The following LARGE1 variants were observed in gnomAD, a reference collection of about 807,000 sequenced individuals.
LARGE1 encodes the protein LARGE xylosyl- and glucuronyltransferase 1, also known as xylosyl- and glucuronyltransferase LARGE1.
In LARGE1, 43 loss-of-function variants were observed where a neutral mutation model predicts 87.6. The ratio of observed to expected loss-of-function variants is 0.49; its 90% CI spans 0.38 to 0.63. The LOEUF (loss-of-function observed/expected upper bound fraction) is 0.63. LARGE1 is among the 30% of genes least tolerant of loss of function. The pLI, the probability that LARGE1 is intolerant of heterozygous loss-of-function variation, is 0.00. For synonymous variants in LARGE1, 434 were observed against 394.6 expected (o/e 1.10, Z -1.18); for missense variants, 802 against 1,000.2 (o/e 0.80, Z 2.67).
intron 3 of LARGE1, among the ~76,000 whole-genome samples, chr22:33,633,068 T>C (rs2080158413): frequency 6.6e-6 from 1 of 152,198 alleles, no homozygotes; most frequent in Non-Finnish European, 1.5e-5. Flanking sequence ...TCTTACAACC[T>C]GCAGAAAAGA....
At chr22:33,901,345 T>C (rs927237590) in intron 1 of LARGE1, among the ~76,000 whole-genome samples, 3 of 152,178 alleles carry the variant, frequency 2.0e-5, no homozygotes, top group African/African-American at 7.2e-5. Context: ...CAGCACGTGG[T>C]ACATTGTTAC....
At chr22:33,390,913 T>G (rs2065495410) in intron 7 of LARGE1, among the ~76,000 whole-genome samples, 1 of 152,132 alleles carries the variant, frequency 6.6e-6, no homozygotes, top group Admixed American at 6.5e-5. Flanking sequence ...GCCAGGCTGG[T>G]CTCGAATTCC....
At chr22:33,799,972 G>A (rs1032204650) in intron 1 of LARGE1, among the ~76,000 whole-genome samples, 3 of 152,276 alleles carry the variant, frequency 2.0e-5, no homozygotes, top group Middle Eastern at 3.4e-3. Context: ...CCAGGAAATA[G>A]GGAAGAAGAA....
chr22:33,621,716 C>T (rs1250678664), intron 4 of LARGE1, among the ~76,000 whole-genome samples: 1 of 152,134 alleles, frequency 6.6e-6, no homozygotes, highest in Non-Finnish European at 1.5e-5. Flanking sequence ...GTCCTTTTGT[C>T]TTGTATCTCA....
chr22:33,232,314 A>C, intron 11 of LARGE1, among the ~76,000 whole-genome samples: 1 of 152,336 alleles, frequency 6.6e-6, no homozygotes, highest in Non-Finnish European at 1.5e-5. Flanking sequence ...TTTTCTACGC[A>C]CAGCAGATGC....
At chr22:33,647,105 T>G (rs1262270934) in intron 3 of LARGE1, among the ~76,000 whole-genome samples, 1 of 152,240 alleles carries the variant, frequency 6.6e-6, no homozygotes, top group Non-Finnish European at 1.5e-5. Flanking sequence ...ATCTGTATTC[T>G]CAGGGGCTAC....
intron 7 of LARGE1, among the ~76,000 whole-genome samples, chr22:33,395,745 C>T (rs959588268): frequency 1.3e-5 from 2 of 152,084 alleles, no homozygotes; most frequent in East Asian, 1.9e-4. Context: ...TCAGATGAAA[C>T]CTTTTATTCC....
At chr22:33,144,299 T>C in the LARGE1 span, among the ~76,000 whole-genome samples, 1 of 152,148 alleles carries the variant, frequency 6.6e-6, no homozygotes, top group Non-Finnish European at 1.5e-5. Context: ...TAATTGATCA[T>C]GTTGAAGTTA....
the LARGE1 span, among the ~76,000 whole-genome samples, chr22:33,120,358 T>TTTTCTTTCTTTCTTTCTTTC: frequency 9.5e-4 from 113 of 118,764 alleles, 3 homozygotes; most frequent in East Asian, 1.7e-3. Context: ...TTTTCTTTCT[T>TTTTCTTTCTTTCTTTCTTTC]TTTCTTTCTT....
At chr22:33,635,528 A>C (rs1379716270) in intron 3 of LARGE1, among the ~76,000 whole-genome samples, 1 of 152,084 alleles carries the variant, frequency 6.6e-6, no homozygotes, top group Non-Finnish European at 1.5e-5. Context: ...TTGGATCCTC[A>C]GCCACTGCCT....
chr22:33,069,700 A>G, the LARGE1 span, among the ~76,000 whole-genome samples: 3 of 152,164 alleles, frequency 2.0e-5, no homozygotes, highest in Admixed American at 6.6e-5. Context: ...ATCAACAAAT[A>G]TTTATTGAAT....
intron 6 of LARGE1, among the ~76,000 whole-genome samples, chr22:33,514,703 C>CGT (rs2071217981): frequency 6.6e-6 from 1 of 152,034 alleles, no homozygotes; most frequent in Non-Finnish European, 1.5e-5. Flanking sequence ...GGGACAACTA[C>CGT]GTGTATATAT....
chr22:33,623,722 A>C (rs1192567419), intron 4 of LARGE1, among the ~76,000 whole-genome samples: 1 of 152,058 alleles, frequency 6.6e-6, no homozygotes, highest in African/African-American at 2.4e-5. Context: ...AAAAAAAAAA[A>C]AAACCTAAAG....
At chr22:33,252,875 A>T (rs1161989607) in intron 11 of LARGE1, among the ~76,000 whole-genome samples, 1 of 152,226 alleles carries the variant, frequency 6.6e-6, no homozygotes, top group Non-Finnish European at 1.5e-5. Context: ...TGCTAGAGTT[A>T]GGGTTTGTGT....
At chr22:33,319,578 T>G (rs1176541721) in intron 10 of LARGE1, among the ~76,000 whole-genome samples, 1 of 152,152 alleles carries the variant, frequency 6.6e-6, no homozygotes, top group African/African-American at 2.4e-5. Flanking sequence ...GTATTTTTAA[T>G]AGAGACAGGG....
intron 1 of LARGE1, among the ~76,000 whole-genome samples, chr22:33,847,012 C>G (rs1035602381): frequency 6.6e-6 from 1 of 152,164 alleles, no homozygotes; most frequent in Non-Finnish European, 1.5e-5. Flanking sequence ...ACACCCTATT[C>G]GTACACTCCC....
intron 1 of LARGE1, among the ~76,000 whole-genome samples, chr22:33,832,406 A>G (rs1412554278): frequency 6.6e-6 from 1 of 152,200 alleles, no homozygotes; most frequent in East Asian, 1.9e-4. Context: ...ACAGAGGTCC[A>G]AAACACAACT....
chr22:33,884,995 A>G (rs1206507539), intron 1 of LARGE1, among the ~76,000 whole-genome samples: 1 of 152,240 alleles, frequency 6.6e-6, no homozygotes, highest in African/African-American at 2.4e-5. Flanking sequence ...AAGAATACGA[A>G]TAATTACTGG....
At chr22:33,877,926 A>T (rs900320318) in intron 1 of LARGE1, among the ~76,000 whole-genome samples, 12 of 151,666 alleles carry the variant, frequency 7.9e-5, no homozygotes, top group South Asian at 2.1e-4. Flanking sequence ...TGTCTCAAAA[A>T]AATAATAATA....
Sources: gnomAD v4.1 joint callset for allele counts (sites outside exome capture counted in the v4.1 genomes callset) on GRCh38, gnomAD v4.1.1 for gene constraint, MANE v1.5 for transcripts, NCBI Gene and HGNC (gene_info 2026-07-23, HGNC 2026-07-21) for gene names.